The following CASP5 variants were observed in gnomAD, a reference collection of about 807,000 sequenced individuals.
CASP5 encodes caspase 5.
A neutral mutation model predicts 45.2 loss-of-function variants in CASP5; 42 were observed. The ratio of observed to expected loss-of-function variants is 0.93; its 90% CI spans 0.73 to 1.20. The LOEUF is 1.20. CASP5 is among the 50% of genes most tolerant of loss of function. The pLI, the probability that CASP5 is intolerant of heterozygous loss-of-function variation, is 0.00. For synonymous variants in CASP5, 209 were observed against 186.2 expected, an observed-to-expected ratio of 1.12 and a Z score of -1.00; for missense variants, 512 against 532.2, an observed-to-expected ratio of 0.96 and a Z score of 0.37.
chr11:105,006,541 T>C (rs1315466807), intron 3 of CASP5, among the ~76,000 whole-genome samples: 1 of 152,224 alleles, frequency 6.6e-6, no homozygotes, highest in Non-Finnish European at 1.5e-5. Context: ...CATTTTGTGA[T>C]GCCAGTGAAA....
chr11:104,994,497 A>G (rs571309955), intron 9 of CASP5, 150 bp from the exon 10 acceptor site: 2 of 152,316 alleles, frequency 1.3e-5, no homozygotes, highest in South Asian at 4.1e-4. Context: ...TATTTAGTGA[A>G]AAGTACTCAG....
intron 1 of CASP5, among the ~76,000 whole-genome samples, chr11:105,018,466 C>T (rs977066705): frequency 6.6e-6 from 1 of 151,708 alleles, no homozygotes; most frequent in Non-Finnish European, 1.5e-5. Context: ...GAAGATCTGC[C>T]AAGCAAATGG....
intron 6 of CASP5, 92 bp from the exon 7 acceptor site, chr11:104,999,120 T>C: frequency 8.9e-7 from 1 of 1,125,584 alleles, no homozygotes; most frequent in Non-Finnish European, 1.3e-6. Context: ...TAGTTACGCA[T>C]GTACCATTGT....
chr11:105,018,262 A>C lies in CASP5; in HGVS notation c.7+4868T>G, dbSNP rs1252996491. The stretch of plus-strand genomic sequence containing the variant: ...AACTGCATCAACTAACGAGCAAAAT[A>C]ACCAGCTAACATCATAATGACAGGA... On this transcript the variant is annotated intron_variant, in intron 1 of 9. Coordinates refer to ENST00000260315, the MANE Select transcript of CASP5 (RefSeq NM_004347.5). 1.2e-4 allele frequency among the ~76,000 whole-genome samples: 18 copies of C among 151,422 alleles called. No homozygotes were observed. The East Asian group carries it at 2.0e-3, about 16-fold the overall frequency.
chr11:105,019,711 G>T (rs557935014), intron 1 of CASP5, among the ~76,000 whole-genome samples: 3 of 143,802 alleles, frequency 2.1e-5, no homozygotes, highest in African/African-American at 7.5e-5. Flanking sequence ...ATTCACAGCC[G>T]AATTCTACCA....
Position 104,997,413 on chromosome 11 carries a change from G to C in CASP5, c.1176C>G (p.Cys392Trp). ...ELITCFQKYS[C>W]CCHLMEIFRK... Reference sequence around the variant, plus strand: ...GAAATATTTCCATTAGGTGGCAGCAGCAAGAATATTTCTGGAAGCATGTGA... The same window carrying C: ...GAAATATTTCCATTAGGTGGCAGCACCAAGAATATTTCTGGAAGCATGTGA... Residue 392 changes from cysteine to tryptophan, a missense_variant, in exon 8 of 10, where the codon TGC becomes TGG. Cys to Trp is a radical substitution (Grantham distance 215, BLOSUM62 -2). Transcript: ENST00000260315. 1 of 1,612,190 alleles carries C rather than the reference G, an allele frequency of 6.2e-7. No homozygotes were observed. The highest frequency in any genetic ancestry group is 8.5e-7 in the Non-Finnish European group (1 of 1,178,346).
chr11:105,017,038 C>G (rs1321330119), intron 1 of CASP5, among the ~76,000 whole-genome samples: 1 of 151,666 alleles, frequency 6.6e-6, no homozygotes, highest in Non-Finnish European at 1.5e-5. Flanking sequence ...CACCCCCCAG[C>G]AGGGGCAGAC....
rs940778183 is a variant in CASP5, at chr11:105,007,414, T to C, written c.182-80A>G. On this transcript the variant is annotated intron_variant, in intron 2 of 9. Transcript: ENST00000260315. ...CTTCACCTAAGACATAACTCTGTAA[T>C]ATGAAACTCCTCTAAAAATACATTC... The C allele has an allele frequency of 5.4e-6, 7 of 1,299,820 alleles. No individual in the cohort carries two copies. The African/African-American group carries it at 1.0e-4, about 19-fold the overall frequency. 80.5% of individuals were successfully genotyped at this position (1,299,820 alleles called of 1,614,324 possible).
chr11:105,000,623 T>A (rs1312612196), intron 5 of CASP5, 128 bp from the exon 6 acceptor site: 2 of 805,688 alleles, frequency 2.5e-6, no homozygotes, highest in South Asian at 1.8e-5. Context: ...TAGCGCTTAC[T>A]CAGTCATGAC....
chr11:105,008,040 A>G (rs1565386402), intron 2 of CASP5, among the ~76,000 whole-genome samples: 1 of 152,096 alleles, frequency 6.6e-6, no homozygotes, highest in Non-Finnish European at 1.5e-5. Context: ...CCTTAGCATA[A>G]TTTGAATTTT....
rs1349753731 is a variant in CASP5 at position 105,003,345 on chromosome 11, C to T, written c.472G>A (p.Glu158Lys). 2 of 1,603,822 alleles carry T rather than the reference C, an allele frequency of 1.2e-6. No individual in the cohort carries two copies. The highest frequency in any genetic ancestry group is 1.7e-6 in the Non-Finnish European group (2 of 1,176,210). ...QIEAGPPESA[E>K]STNILKLCPR... Reference sequence around the variant, plus strand: ...CAAAGTTTGAGTATATTTGTAGATTCTGCTGACTCAGGTGGTCCAGCCTCG... The same window carrying T: ...CAAAGTTTGAGTATATTTGTAGATTTTGCTGACTCAGGTGGTCCAGCCTCG... The change falls in exon 4 of 10, where the codon GAA becomes AAA. Residue 158 changes from glutamate to lysine, a missense_variant. By Grantham distance (56) the Glu-to-Lys change is moderately conservative. Coordinates refer to ENST00000260315, the MANE Select transcript of CASP5 (RefSeq NM_004347.5).
chr11:105,012,181 C>T (rs959332448), intron 1 of CASP5, among the ~76,000 whole-genome samples: 2 of 151,604 alleles, frequency 1.3e-5, no homozygotes, highest in African/African-American at 4.8e-5. Context: ...AGACAATAGG[C>T]TAAGGACACT....
chr11:105,018,464 G>A (rs1328143965), intron 1 of CASP5, among the ~76,000 whole-genome samples: 2 of 151,802 alleles, frequency 1.3e-5, no homozygotes, highest in Non-Finnish European at 2.9e-5. Flanking sequence ...AGGAAGATCT[G>A]CCAAGCAAAT....
intron 1 of CASP5, among the ~76,000 whole-genome samples, chr11:105,013,694 A>G (rs990555267): frequency 3.3e-5 from 5 of 152,110 alleles, no homozygotes; most frequent in African/African-American, 1.2e-4. Flanking sequence ...TCCCGTATGG[A>G]AACCCATACG....
intron 6 of CASP5, among the ~76,000 whole-genome samples, 157 bp downstream of exon 6, chr11:105,000,104 T>G (rs1157244686): frequency 6.6e-6 from 1 of 152,260 alleles, no homozygotes; most frequent in African/African-American, 2.4e-5. Flanking sequence ...AGACAATTTC[T>G]CATTATATCA....
chr11:104,999,590 A>G (rs1363081264), intron 6 of CASP5, among the ~76,000 whole-genome samples: 3 of 152,170 alleles, frequency 2.0e-5, no homozygotes, highest in Non-Finnish European at 4.4e-5. Flanking sequence ...ACATACATAC[A>G]GACCCACACA....
intron 1 of CASP5, among the ~76,000 whole-genome samples, chr11:105,009,830 T>TATATATAC (rs759904947): frequency 1.1e-4 from 5 of 47,564 alleles, no homozygotes; most frequent in African/African-American, 6.4e-4. Context: ...TATATACACA[T>TATATATAC]ATATATATAC....
chr11:105,009,720 C>CACATAT (rs1376205553), intron 1 of CASP5, among the ~76,000 whole-genome samples: 78 of 64,038 alleles, frequency 1.2e-3, no homozygotes, highest in South Asian at 2.6e-3. Flanking sequence ...TATATACACA[C>CACATAT]ATATATATAT....
rs750499766 is a variant in CASP5 at position 104,998,938 on chromosome 11, A to G, written c.1043T>C (p.Val348Ala). The stretch of plus-strand genomic sequence containing the variant: ...GTCCTTCTCCTCGTGGATCTTGCAA[A>G]CAGAATCTGCCTCCAGGTTCTCAGA... ...QSSENLEADS[V>A]CKIHEEKDFI... The change falls in exon 7 of 10, where the codon GTT becomes GCT. Residue 348 changes from valine to alanine, a missense_variant. Coordinates refer to ENST00000260315, the MANE Select transcript of CASP5 (RefSeq NM_004347.5). 5.6e-6 allele frequency: 9 copies of G among 1,613,970 alleles called. No individual in the cohort carries two copies. In the South Asian group the frequency reaches 9.9e-5, roughly 18 times the overall value.
Sources: allele counts gnomAD v4.1 joint callset (sites outside exome capture counted in the v4.1 genomes callset), GRCh38; gene constraint gnomAD v4.1.1; transcripts MANE v1.5; gene names NCBI Gene and HGNC (gene_info 2026-07-23, HGNC 2026-07-21).